DIAPH3: variants seen among roughly 807,000 people sequenced by gnomAD.
DIAPH3 encodes the protein diaphanous related formin 3, also known as protein diaphanous homolog 3.
A neutral mutation model predicts 144.3 loss-of-function variants in DIAPH3; 117 were observed. The ratio of observed to expected loss-of-function variants is 0.81; its 90% confidence interval spans 0.70 to 0.95. DIAPH3 has a LOEUF of 0.95. DIAPH3 is among the 40% of genes least tolerant of loss of function. The probability of loss-of-function intolerance (pLI) is 0.00; values close to 1 mark genes in which losing one functional copy is unlikely to be tolerated. For missense variants in DIAPH3, 1,421 were observed against 1,412.7 expected (o/e 1.01, Z -0.09); for synonymous variants, 519 against 488.9 (o/e 1.06, Z -0.81).
At chr13:59,869,465 T>C (rs890801672) in intron 21 of DIAPH3, among the ~76,000 whole-genome samples, 1 of 151,996 alleles carries the variant, frequency 6.6e-6, no homozygotes. Flanking sequence ...AGAAATAGAG[T>C]CAGTTACCCA....
At chr13:59,886,244 C>T (rs563036297) in intron 20 of DIAPH3, among the ~76,000 whole-genome samples, 11 of 151,836 alleles carry the variant, frequency 7.2e-5, no homozygotes, top group South Asian at 6.2e-4. Context: ...CATTTTAGTC[C>T]CTAAGATGTA....
chr13:59,819,499 T>A (rs971837119), intron 24 of DIAPH3, among the ~76,000 whole-genome samples: 7 of 151,882 alleles, frequency 4.6e-5, no homozygotes, highest in African/African-American at 1.7e-4. Context: ...TATATTGTTT[T>A]ATAGGGTTGA....
chr13:59,733,689 A>G (rs573256443), intron 27 of DIAPH3, among the ~76,000 whole-genome samples: 8 of 152,264 alleles, frequency 5.3e-5, no homozygotes, highest in Middle Eastern at 3.4e-3. Flanking sequence ...AGTCACCCCC[A>G]ATCTCTTTTC....
At chr13:60,136,198 A>AT (rs2059269285) in intron 1 of DIAPH3, among the ~76,000 whole-genome samples, 1 of 152,204 alleles carries the variant, frequency 6.6e-6, no homozygotes, top group Non-Finnish European at 1.5e-5. Context: ...AATTAGAAAA[A>AT]ACTTTGTAAC....
intron 27 of DIAPH3, among the ~76,000 whole-genome samples, chr13:59,701,790 C>A (rs556012715): frequency 6.6e-5 from 10 of 152,188 alleles, no homozygotes; most frequent in Admixed American, 2.6e-4. Context: ...AATGGCCATA[C>A]ATACATCACT....
chr13:60,066,670 C>T (rs1394667204), intron 4 of DIAPH3, among the ~76,000 whole-genome samples: 1 of 152,142 alleles, frequency 6.6e-6, no homozygotes, highest in Non-Finnish European at 1.5e-5. Context: ...TGCTACATTC[C>T]AGGCTGAGAT....
intron 4 of DIAPH3, among the ~76,000 whole-genome samples, chr13:60,058,432 C>T (rs1214233032): frequency 1.3e-5 from 2 of 152,032 alleles, no homozygotes; most frequent in Non-Finnish European, 2.9e-5. Context: ...CATTTATACA[C>T]TGCTGGTGGG....
chr13:60,133,201 A>G (rs2059187190), intron 1 of DIAPH3, among the ~76,000 whole-genome samples: 1 of 152,088 alleles, frequency 6.6e-6, no homozygotes, highest in Non-Finnish European at 1.5e-5. Context: ...AACACTTACT[A>G]AAATTTTTTT....
chr13:60,149,301 T>G (rs1172026587), intron 1 of DIAPH3, among the ~76,000 whole-genome samples: 1 of 152,150 alleles, frequency 6.6e-6, no homozygotes, highest in African/African-American at 2.4e-5. Flanking sequence ...ATATAGACAA[T>G]TACAGCAAGC....
intron 24 of DIAPH3, among the ~76,000 whole-genome samples, chr13:59,822,947 A>G (rs1399803805): frequency 6.6e-6 from 1 of 152,136 alleles, no homozygotes; most frequent in Non-Finnish European, 1.5e-5. Context: ...CTTTTTAATT[A>G]CATGAGTTAA....
chr13:59,933,868 T>C lies in DIAPH3; in HGVS notation c.2075-8998A>G, dbSNP rs530865791. Among the ~76,000 whole-genome samples, 89 of 152,318 alleles carry C rather than the reference T, an allele frequency of 5.8e-4. No individual in the cohort carries two copies. The Middle Eastern group carries it at 0.017, about 29-fold the overall frequency. On this transcript the variant is annotated intron_variant, in intron 17 of 27. Transcript: ENST00000400324. Reference sequence around the variant, plus strand: ...CAAAGTTTCAAAAATAGTAGCAAAATTATGTAAAGAATATCATTTCAAAAT... The same window carrying C: ...CAAAGTTTCAAAAATAGTAGCAAAACTATGTAAAGAATATCATTTCAAAAT...
chr13:59,850,507 T>C (rs2042901704), intron 22 of DIAPH3, among the ~76,000 whole-genome samples: 1 of 150,920 alleles, frequency 6.6e-6, no homozygotes, highest in Non-Finnish European at 1.5e-5. Flanking sequence ...AATACCTAAT[T>C]TATTGAGAGT....
chr13:59,844,224 C>T (rs2042500424), intron 22 of DIAPH3, among the ~76,000 whole-genome samples: 1 of 151,668 alleles, frequency 6.6e-6, no homozygotes, highest in African/African-American at 2.4e-5. Flanking sequence ...TCACATGTAT[C>T]AGGTTCTTTG....
At chr13:60,076,344 G>A (rs759777656) in intron 4 of DIAPH3, among the ~76,000 whole-genome samples, 7 of 152,054 alleles carry the variant, frequency 4.6e-5, no homozygotes, top group Non-Finnish European at 8.8e-5. Context: ...CCCCTCTGTC[G>A]ATCTTCCATT....
chr13:59,677,807 T>C (rs1478238781), intron 27 of DIAPH3, among the ~76,000 whole-genome samples: 1 of 152,166 alleles, frequency 6.6e-6, no homozygotes, highest in African/African-American at 2.4e-5. Flanking sequence ...GAAGGAGCAG[T>C]TATATATTTC....
Position 59,869,837 on chromosome 13 carries a change from G to T in DIAPH3, c.2608-8301C>A, listed in dbSNP as rs912290873. 3.3e-5 allele frequency among the ~76,000 whole-genome samples: 5 copies of T among 152,014 alleles called. No homozygotes were observed. The East Asian group carries it at 7.7e-4, about 23-fold the overall frequency. Reference sequence around the variant, plus strand: ...ATCTTTTGATCATTTCTTTAAACTGGGTTGTTTATTTCTTAGTTTTAAGAG... The same window carrying T: ...ATCTTTTGATCATTTCTTTAAACTGTGTTGTTTATTTCTTAGTTTTAAGAG... On this transcript the variant is annotated intron_variant, in intron 21 of 27. Transcript: ENST00000400324.
intron 27 of DIAPH3, among the ~76,000 whole-genome samples, chr13:59,714,417 C>T (rs2034944717): frequency 6.6e-6 from 1 of 151,576 alleles, no homozygotes; most frequent in Non-Finnish European, 1.5e-5. Context: ...CACCTGTAGT[C>T]CCAGCTACTT....
At chr13:59,858,428 T>G (rs1477888268) in intron 22 of DIAPH3, among the ~76,000 whole-genome samples, 1 of 152,114 alleles carries the variant, frequency 6.6e-6, no homozygotes, top group African/African-American at 2.4e-5. Context: ...AAAGGCTTGT[T>G]AAGTTAGTGA....
chr13:59,824,781 A>AT (rs2041283223), intron 24 of DIAPH3, among the ~76,000 whole-genome samples: 4 of 152,068 alleles, frequency 2.6e-5, no homozygotes, highest in African/African-American at 7.2e-5. Context: ...TAAGGCAGGG[A>AT]TTTTTTTGTT....
Sources: gnomAD v4.1 joint callset for allele counts (sites outside exome capture counted in the v4.1 genomes callset) on GRCh38, gnomAD v4.1.1 for gene constraint, MANE v1.5 for transcripts, NCBI Gene and HGNC (gene_info 2026-07-23, HGNC 2026-07-21) for gene names.